SLC44A5: variants seen among roughly 807,000 people sequenced by gnomAD.
SLC44A5 encodes the protein solute carrier family 44 member 5.
Under a neutral mutation model 101.8 loss-of-function variants are expected in SLC44A5, and 57 were observed. The ratio of observed to expected loss-of-function variants is 0.56; its 90% CI spans 0.45 to 0.70. The LOEUF (loss-of-function observed/expected upper bound fraction) is 0.70, where lower values mean the gene tolerates loss of function less well. Among genes scored for constraint, SLC44A5 ranks in the 30% least tolerant of loss-of-function variants. SLC44A5 has a pLI of 0.00. For missense variants in SLC44A5, 737 were observed against 853.1 expected (o/e 0.86, Z 1.70); for synonymous variants, 281 against 290.9 (o/e 0.97, Z 0.35).
intron 2 of SLC44A5, among the ~76,000 whole-genome samples, chr1:75,537,298 T>C (rs1671107676): frequency 1.3e-5 from 2 of 152,116 alleles, no homozygotes; most frequent in South Asian, 2.1e-4. Flanking sequence ...CTCATTATGA[T>C]GGAAGAGAAA....
In SLC44A5 at chr1:75,242,789, G is replaced by A. The variant is rs1648752236; in HGVS notation, c.471+97C>T. The A allele has an allele frequency of 2.9e-6, 4 of 1,358,596 alleles. No individual in the cohort carries two copies. In the African/African-American group the frequency reaches 4.4e-5, roughly 15 times the overall value. 84.2% of individuals were successfully genotyped at this position (1,358,596 alleles called of 1,614,324 possible). A position where few individuals can be genotyped will look rare whatever the true frequency, so the allele number is the denominator to read the frequency against. ...AATTGTATCTAATCATTTCCTAGAA[G>A]ATTTGGGAGCTTGTTCAGTAACAAA... On this transcript the variant is annotated intron_variant, in intron 8 of 23. Transcript: ENST00000370859.
In SLC44A5 at chr1:75,258,378, G is replaced by T. The variant is rs184047856; in HGVS notation, c.261-7084C>A. On this transcript the variant is annotated intron_variant, in intron 6 of 23. Coordinates refer to ENST00000370859, the MANE Select transcript of SLC44A5 (RefSeq NM_001130058.2). Reference sequence around the variant, plus strand: ...GGGAAGGGGTGTCTGCCATTGCTGTGGCTTGAGTAGGTGGTTTTACAAAGT... The same window carrying T: ...GGGAAGGGGTGTCTGCCATTGCTGTTGCTTGAGTAGGTGGTTTTACAAAGT... 9.2e-4 allele frequency among the ~76,000 whole-genome samples: 83 copies of T among 89,994 alleles called. 1 individual carries two copies. The highest frequency in any genetic ancestry group is 2.9e-3 in the African/African-American group (76 of 25,818). 59.0% of individuals were successfully genotyped at this position (89,994 alleles called of 152,430 possible). A position where few individuals can be genotyped will look rare whatever the true frequency, so the allele number is the denominator to read the frequency against.
At chr1:75,466,717 C>T (rs1393177220) in intron 2 of SLC44A5, among the ~76,000 whole-genome samples, 3 of 138,226 alleles carry the variant, frequency 2.2e-5, no homozygotes, top group African/African-American at 8.2e-5. Flanking sequence ...CCATATATAA[C>T]AGATTCATAG....
the SLC44A5 span, among the ~76,000 whole-genome samples, chr1:75,643,788 C>G: frequency 6.6e-6 from 1 of 152,240 alleles, no homozygotes; most frequent in Non-Finnish European, 1.5e-5. Context: ...GCCTCCTCAG[C>G]CATGTGGGAC....
the SLC44A5 span, among the ~76,000 whole-genome samples, chr1:75,644,192 A>G: frequency 6.6e-6 from 1 of 152,186 alleles, no homozygotes; most frequent in Non-Finnish European, 1.5e-5. Flanking sequence ...TTACTAAGAT[A>G]GTAAAAAAAA....
chr1:75,621,483 A>G, the SLC44A5 span, among the ~76,000 whole-genome samples: 1 of 152,208 alleles, frequency 6.6e-6, no homozygotes, highest in Non-Finnish European at 1.5e-5. Flanking sequence ...TTCATAGTAC[A>G]CAAAGCATGA....
At chr1:75,684,108 G>A in the SLC44A5 span, among the ~76,000 whole-genome samples, 6 of 152,252 alleles carry the variant, frequency 3.9e-5, no homozygotes, top group East Asian at 1.2e-3. Flanking sequence ...GCAAGCAAGA[G>A]AGAAGCGTAG....
intron 3 of SLC44A5, among the ~76,000 whole-genome samples, chr1:75,371,652 G>T (rs1660230928): frequency 6.6e-6 from 1 of 152,298 alleles, no homozygotes; most frequent in South Asian, 2.1e-4. Flanking sequence ...GAAAGAGACA[G>T]AGAGTCTAAA....
At chr1:75,295,726 A>AGATGAGCAATGGACTAT (rs1214955124) in intron 5 of SLC44A5, among the ~76,000 whole-genome samples, 1 of 152,202 alleles carries the variant, frequency 6.6e-6, no homozygotes, top group South Asian at 2.1e-4. Flanking sequence ...GGGAAGATTA[A>AGATGAGCAATGGACTAT]GATGAGCAAT....
intron 2 of SLC44A5, among the ~76,000 whole-genome samples, chr1:75,424,928 C>T (rs142737316): frequency 6.7e-4 from 102 of 152,240 alleles, no homozygotes; most frequent in African/African-American, 2.5e-3. Context: ...TTGAAAAGTT[C>T]AAGCAATTCA....
In SLC44A5 at chr1:75,421,455, C is replaced by T. The variant is rs139789088; in HGVS notation, c.14-24834G>A. 7.4e-3 allele frequency among the ~76,000 whole-genome samples: 1,126 copies of T among 152,206 alleles called. 13 individuals carry two copies. The highest frequency in any genetic ancestry group is 0.023 in the South Asian group (113 of 4,830). On this transcript the variant is annotated intron_variant, in intron 2 of 23. Coordinates refer to ENST00000370859, the MANE Select transcript of SLC44A5 (RefSeq NM_001130058.2). ...TATGTGCAAAAAAATGAATAAATGG[C>T]AGCCCAGTTAATCCTCTTATTTTAT...
intron 2 of SLC44A5, among the ~76,000 whole-genome samples, chr1:75,427,594 A>T (rs938955177): frequency 1.3e-5 from 2 of 152,218 alleles, no homozygotes; most frequent in Non-Finnish European, 2.9e-5. Context: ...TGATACAGAT[A>T]TAACAATACA....
chr1:75,515,014 C>A (rs1026245339), intron 2 of SLC44A5, among the ~76,000 whole-genome samples: 1 of 152,150 alleles, frequency 6.6e-6, no homozygotes, highest in Non-Finnish European at 1.5e-5. Context: ...CAATACATCT[C>A]GGCAATATTA....
At chr1:75,576,075 C>T (rs1460084163) in intron 1 of SLC44A5, among the ~76,000 whole-genome samples, 1 of 147,856 alleles carries the variant, frequency 6.8e-6, no homozygotes. Flanking sequence ...CCTAGCTAGA[C>T]AGATGTGAAA....
chr1:75,712,086 C>A, the SLC44A5 span, among the ~76,000 whole-genome samples: 3 of 152,214 alleles, frequency 2.0e-5, no homozygotes, highest in African/African-American at 7.2e-5. Flanking sequence ...CTTTGTCTTT[C>A]TATTGGTTTC....
In SLC44A5 at chr1:75,384,277, T is replaced by A. The variant is rs548284266; in HGVS notation, c.52+12306A>T. Among the ~76,000 whole-genome samples, 983 of 151,442 alleles carry A rather than the reference T, an allele frequency of 6.5e-3. 7 individuals carry two copies. The highest frequency in any genetic ancestry group is 9.8e-3 in the Non-Finnish European group (663 of 67,892). On this transcript the variant is annotated intron_variant, in intron 3 of 23. Transcript: ENST00000370859. The stretch of plus-strand genomic sequence containing the variant: ...ACAGACTGGCAAATTGGATAAAGAG[T>A]CAAGACCCATCAGTGTGCTGTATTC...
intron 1 of SLC44A5, among the ~76,000 whole-genome samples, chr1:75,568,267 TTTAAATG>T (rs1261079753): frequency 2.0e-5 from 3 of 152,118 alleles, no homozygotes; most frequent in Non-Finnish European, 4.4e-5. Context: ...CTTTCTATTT[TTTAAATG>T]TTTCCCATTA....
At chr1:75,605,670 G>A (rs1675281067) in intron 1 of SLC44A5, among the ~76,000 whole-genome samples, 1 of 151,990 alleles carries the variant, frequency 6.6e-6, no homozygotes, top group African/African-American at 2.4e-5. Context: ...ACTACCAAAA[G>A]TTATAAAATT....
intron 10 of SLC44A5, among the ~76,000 whole-genome samples, chr1:75,237,846 T>C (rs1648239741): frequency 6.7e-6 from 1 of 150,218 alleles, no homozygotes; most frequent in African/African-American, 2.4e-5. Flanking sequence ...CCTAAAGTCT[T>C]TTAAGATAAA....
Sources: allele counts gnomAD v4.1 joint callset (sites outside exome capture counted in the v4.1 genomes callset), GRCh38; gene constraint gnomAD v4.1.1; transcripts MANE v1.5; gene names NCBI Gene and HGNC (gene_info 2026-07-23, HGNC 2026-07-21).